Variants in MIB1 observed in about 807,000 individuals in gnomAD.
MIB1 encodes the protein E3 ubiquitin-protein ligase MIB1.
A neutral mutation model predicts 124.5 loss-of-function variants in MIB1; 278 were observed. The ratio of observed to expected loss-of-function variants is 2.23; its 90% CI spans 2.02 to 2.47. The LOEUF (loss-of-function observed/expected upper bound fraction) is 2.47. MIB1 is among the 30% of genes most tolerant of loss of function. The pLI is 0.00. For synonymous variants in MIB1, 446 were observed against 429.4 expected, an observed-to-expected ratio of 1.04 and a Z score of -0.48; for missense variants, 957 against 1,254.4, an observed-to-expected ratio of 0.76 and a Z score of 3.58.
chr18:21,815,013 A>T lies in MIB1; in HGVS notation c.1480-603A>T, dbSNP rs1208007285. Among the ~76,000 whole-genome samples, 14 of 10,540 alleles carry T rather than the reference A, an allele frequency of 1.3e-3. No individual in the cohort carries two copies. In the Admixed American group the frequency reaches 0.013, roughly 10 times the overall value. The allele number at this position is 10,540 out of a possible 152,430, so 6.9% of individuals were successfully genotyped here. A position where few individuals can be genotyped will look rare whatever the true frequency, so the allele number is the denominator to read the frequency against. ...GCTGAAAGTTCAAGCTGTTGGTTTTATATATATATATATATATATATATAT... is the reference window on the plus strand; with the variant it reads ...GCTGAAAGTTCAAGCTGTTGGTTTTTTATATATATATATATATATATATAT... On this transcript the variant is annotated intron_variant, in intron 10 of 20. Coordinates refer to ENST00000261537, the MANE Select transcript of MIB1 (RefSeq NM_020774.4).
chr18:21,730,444 T>TCA (rs2040763514), intron 1 of MIB1, among the ~76,000 whole-genome samples: 1 of 152,134 alleles, frequency 6.6e-6, no homozygotes, highest in Non-Finnish European at 1.5e-5. Context: ...GGTGTGCGCC[T>TCA]GTAGTCCTGG....
In MIB1 at chr18:21,741,867, G is replaced by T; in HGVS notation, c.229+55G>T. ...CGCGCGCGGGGGGAAGGGGCGAGCTGCGGTGGGCGTCGGTGTCGCGGGGAG... is the reference window on the plus strand; with the variant it reads ...CGCGCGCGGGGGGAAGGGGCGAGCTTCGGTGGGCGTCGGTGTCGCGGGGAG... On this transcript the variant is annotated intron_variant, in intron 1 of 20. Transcript: ENST00000261537. This position sits in a 1 kb window ranked among gnomAD's most constrained non-coding sequence, Gnocchi z 5.4. 1 of 1,445,380 alleles carries T rather than the reference G, an allele frequency of 6.9e-7. No homozygotes were observed. Among genetic ancestry groups the T allele is most frequent in the Non-Finnish European group, 9.3e-7 (1 of 1,075,318 alleles). 89.5% of individuals were successfully genotyped at this position (1,445,380 alleles called of 1,614,324 possible). A position where few individuals can be genotyped will look rare whatever the true frequency, so the allele number is the denominator to read the frequency against.
chr18:21,810,337 A>G lies in MIB1; in HGVS notation c.1480-5279A>G, dbSNP rs1018164592. On this transcript the variant is annotated intron_variant, in intron 10 of 20. Coordinates refer to ENST00000261537, the MANE Select transcript of MIB1 (RefSeq NM_020774.4). ...CTACCCAGAGAGATCTACATATTCA[A>G]TGAAATTCTGTCAAAATCCTAAAGA... 5.3e-5 allele frequency among the ~76,000 whole-genome samples: 8 copies of G among 152,250 alleles called. No individual in the cohort carries two copies. In the South Asian group the frequency reaches 6.2e-4, roughly 12 times the overall value.
chr18:21,761,554 C>G (rs901546743), intron 1 of MIB1, among the ~76,000 whole-genome samples: 3 of 152,176 alleles, frequency 2.0e-5, no homozygotes, highest in Admixed American at 6.5e-5. Context: ...CCCATCCCAC[C>G]TGCTCTTCTT....
chr18:21,756,037 C>T (rs1032388024), intron 1 of MIB1, among the ~76,000 whole-genome samples: 1 of 152,190 alleles, frequency 6.6e-6, no homozygotes, highest in Middle Eastern at 3.4e-3. Flanking sequence ...CATCATGGTG[C>T]CTTACTCATC....
chr18:21,746,875 C>A (rs1158110184), intron 1 of MIB1, among the ~76,000 whole-genome samples: 1 of 152,096 alleles, frequency 6.6e-6, no homozygotes, highest in African/African-American at 2.4e-5. Context: ...GGAAAAACTT[C>A]TCAGATGTTT....
intron 1 of MIB1, among the ~76,000 whole-genome samples, chr18:21,707,673 G>C (rs1450746693): frequency 1.3e-5 from 2 of 152,154 alleles, no homozygotes; most frequent in Non-Finnish European, 2.9e-5. Context: ...TTTAAGAACT[G>C]TAACACTCAC....
At chr18:21,817,667 C>T in intron 11 of MIB1, 1 of 438,148 alleles carries the variant, frequency 2.3e-6, no homozygotes, top group African/African-American at 2.0e-5. Flanking sequence ...TAGGCTTTGT[C>T]CACATGGCTT....
Position 21,765,940 on chromosome 18 carries a change from A to AG in MIB1, c.399dup (p.Arg134GlufsTer8). ...TACCGAATTACTACACCGGGAAGTG[A>AG]GAGGTAGGGAGAACCCTTTTCTTCT... On this transcript the variant is annotated frameshift_variant, in exon 2 of 21. Coordinates refer to ENST00000261537, the MANE Select transcript of MIB1 (RefSeq NM_020774.4). LOFTEE classifies it high-confidence loss of function. 1 of 1,613,930 alleles carries AG rather than the reference A, an allele frequency of 6.2e-7. No homozygotes were observed. The highest frequency in any genetic ancestry group is 8.5e-7 in the Non-Finnish European group (1 of 1,179,808).
chr18:21,731,862 A>G (rs2040772429), intron 1 of MIB1, among the ~76,000 whole-genome samples: 1 of 151,848 alleles, frequency 6.6e-6, no homozygotes, highest in Non-Finnish European at 1.5e-5. Flanking sequence ...CGCAAACTTT[A>G]TTTCCCAACA....
At chr18:21,778,635 T>A (rs908929252) in intron 5 of MIB1, among the ~76,000 whole-genome samples, 44 of 152,242 alleles carry the variant, frequency 2.9e-4, no homozygotes, top group Non-Finnish European at 5.0e-4. Context: ...ACTACCTTCA[T>A]TTTGTAGATT....
chr18:21,751,258 C>T (rs1357402018), intron 1 of MIB1, among the ~76,000 whole-genome samples: 1 of 151,854 alleles, frequency 6.6e-6, no homozygotes, highest in African/African-American at 2.4e-5. Flanking sequence ...TTGCATTAAA[C>T]GTCACAGTTA....
At chr18:21,848,817 G>T (rs1362405452) in intron 16 of MIB1, among the ~76,000 whole-genome samples, 1 of 152,110 alleles carries the variant, frequency 6.6e-6, no homozygotes, top group Admixed American at 6.5e-5. Context: ...CTAACATGGG[G>T]GCTAGTGAGG....
At chr18:21,785,840 T>TTATA (rs1007620710) in intron 6 of MIB1, among the ~76,000 whole-genome samples, 1 of 152,198 alleles carries the variant, frequency 6.6e-6, no homozygotes, top group Non-Finnish European at 1.5e-5. Context: ...GGGAAAGGTT[T>TTATA]TATCTCCCCT....
upstream of MIB1, among the ~76,000 whole-genome samples, chr18:21,736,349 G>A (rs1313381152): frequency 1.3e-5 from 2 of 151,918 alleles, no homozygotes; most frequent in Non-Finnish European, 2.9e-5. Flanking sequence ...CAAAAAGGAC[G>A]TCATCCGAAG....
At chr18:21,711,205 A>G (rs1016146826) in intron 1 of MIB1, among the ~76,000 whole-genome samples, 4 of 152,224 alleles carry the variant, frequency 2.6e-5, no homozygotes, top group Non-Finnish European at 5.9e-5. Context: ...ACCTAATACT[A>G]CCATTTCTAC....
At chr18:21,825,775 C>CTGGT (rs2041919512) in intron 12 of MIB1, 1 of 522,458 alleles carries the variant, frequency 1.9e-6, no homozygotes, top group Admixed American at 2.0e-5. Context: ...CCAGCTCTAG[C>CTGGT]AAAGCATTGT....
Position 21,779,482 on chromosome 18 carries a change from T to A in MIB1, c.705T>A (p.Gly235=). Residue 235 remains glycine (G), a splice_region_variant and synonymous_variant, in exon 6 of 21, where the codon GGT becomes GGA. Coordinates refer to ENST00000261537, the MANE Select transcript of MIB1 (RefSeq NM_020774.4). ...SFYRDHCPVL[G]EQNGNRNPGG... is the part of the protein sequence containing the mutation. Reference sequence around the variant, plus strand: ...ATTCAATTGCCTCTGAAATTACAGGTGAGCAGAATGGCAACAGGAATCCTG... The same window carrying A: ...ATTCAATTGCCTCTGAAATTACAGGAGAGCAGAATGGCAACAGGAATCCTG... 1 of 1,613,902 alleles carries A rather than the reference T, an allele frequency of 6.2e-7. No homozygotes were observed.
At chr18:21,809,962 G>A (rs777452851) in intron 10 of MIB1, among the ~76,000 whole-genome samples, 2 of 152,098 alleles carry the variant, frequency 1.3e-5, no homozygotes, top group Non-Finnish European at 2.9e-5. Context: ...TCTGTTTGCA[G>A]TGATCTTAGT....
Sources: allele counts gnomAD v4.1 joint callset (sites outside exome capture counted in the v4.1 genomes callset), GRCh38; gene constraint gnomAD v4.1.1; non-coding constraint Gnocchi (gnomAD v3.1); transcripts MANE v1.5; gene names NCBI Gene and HGNC (gene_info 2026-07-23, HGNC 2026-07-21).